Variants in METAP1D observed in about 807,000 individuals in gnomAD.
METAP1D encodes the protein methionine aminopeptidase 1D, mitochondrial.
In METAP1D, 31 loss-of-function variants were observed where a neutral mutation model predicts 40.5. That is an observed-to-expected ratio of 0.77 (90% CI 0.58 to 1.03). The LOEUF is 1.03. Ranked by LOEUF, METAP1D falls within the 50% of genes least tolerant of loss-of-function variation. METAP1D has a pLI of 0.00. For missense variants in METAP1D, 411 were observed against 420.7 expected (o/e 0.98, Z 0.20); for synonymous variants, 151 against 146.4 (o/e 1.03, Z -0.22).
chr2:172,020,941 T>C (rs1688990713), intron 1 of METAP1D, among the ~76,000 whole-genome samples: 1 of 152,156 alleles, frequency 6.6e-6, no homozygotes. Context: ...ATTATGTCAA[T>C]AGGAATGAAA....
At chr2:172,038,547 AT>A (rs1207252784) in intron 1 of METAP1D, among the ~76,000 whole-genome samples, 1 of 152,174 alleles carries the variant, frequency 6.6e-6, no homozygotes, top group African/African-American at 2.4e-5. Context: ...TAGCTAGGAT[AT>A]TTTTTAAATT....
chr2:172,054,908 G>C (rs1183400700), intron 1 of METAP1D, among the ~76,000 whole-genome samples: 1 of 152,110 alleles, frequency 6.6e-6, no homozygotes, highest in African/African-American at 2.4e-5. Context: ...AACTATTCTA[G>C]TATTCATAAA....
chr2:172,059,070 G>A (rs62183850), intron 1 of METAP1D, among the ~76,000 whole-genome samples: 1,737 of 151,926 alleles, frequency 0.011, 15 homozygotes, highest in Middle Eastern at 0.024. Flanking sequence ...TCGATACGGG[G>A]CCCAAGAATT....
intron 1 of METAP1D, among the ~76,000 whole-genome samples, chr2:172,045,757 ATGTG>A (rs1169750498): frequency 4.5e-4 from 30 of 67,148 alleles, no homozygotes; most frequent in South Asian, 1.6e-3. Context: ...ATATGTATAT[ATGTG>A]TGTATATATG....
At chr2:172,050,955 G>A (rs1332913983) in intron 1 of METAP1D, among the ~76,000 whole-genome samples, 1 of 152,158 alleles carries the variant, frequency 6.6e-6, no homozygotes, top group Admixed American at 6.5e-5. Flanking sequence ...GAAGTTGCCT[G>A]AGTATATGTA....
chr2:172,054,023 A>G (rs1574129214), intron 1 of METAP1D, among the ~76,000 whole-genome samples: 1 of 152,336 alleles, frequency 6.6e-6, no homozygotes, highest in East Asian at 1.9e-4. Context: ...TGACCAAAAG[A>G]AAACTCACAT....
At chr2:172,058,551 T>G (rs1690051943) in intron 1 of METAP1D, among the ~76,000 whole-genome samples, 2 of 151,620 alleles carry the variant, frequency 1.3e-5, no homozygotes, top group African/African-American at 4.8e-5. Context: ...AAGCAACTTT[T>G]TTTTTTTTAG....
chr2:172,006,725 T>C (rs906871779), intron 1 of METAP1D, among the ~76,000 whole-genome samples: 2 of 152,186 alleles, frequency 1.3e-5, no homozygotes, highest in Admixed American at 6.6e-5. Context: ...GTAGAGAGAA[T>C]AGTACAATGA....
intron 1 of METAP1D, among the ~76,000 whole-genome samples, chr2:172,033,586 C>A (rs1172692516): frequency 4.6e-5 from 7 of 151,962 alleles, no homozygotes; most frequent in Non-Finnish European, 1.0e-4. Flanking sequence ...GAATTCCTGA[C>A]CTCAAGTGAT....
chr2:172,009,197 C>T (rs754319262), intron 1 of METAP1D, among the ~76,000 whole-genome samples: 5 of 152,044 alleles, frequency 3.3e-5, no homozygotes, highest in African/African-American at 1.2e-4. Flanking sequence ...CCCACCACCG[C>T]GCCAGGCTAA....
chr2:172,063,792 A>T lies in METAP1D; in HGVS notation c.280A>T (p.Ile94Phe), dbSNP rs572720262. ...DSIEVKNEDQ[I>F]QGLHQACQLA... ...CATAGAAGTTAAGAATGAAGATCAG[A>T]TTCAAGGGCTTCATCAGGCTTGTCA... Residue 94 changes from isoleucine (I) to phenylalanine (F), a missense_variant, in exon 3 of 10, where the codon ATT becomes TTT. Transcript: ENST00000315796. 1.9e-6 allele frequency: 3 copies of T among 1,614,128 alleles called. No homozygotes were observed. Among genetic ancestry groups the T allele is most frequent in the South Asian group, 2.2e-5 (2 of 91,068 alleles).
At chr2:172,004,625 G>T (rs1304896795) in intron 1 of METAP1D, among the ~76,000 whole-genome samples, 1 of 151,876 alleles carries the variant, frequency 6.6e-6, no homozygotes, top group Non-Finnish European at 1.5e-5. Context: ...ACGCCCAGCC[G>T]CCAAACCAAC....
chr2:172,046,377 C>T (rs1689766313), intron 1 of METAP1D, among the ~76,000 whole-genome samples: 1 of 152,090 alleles, frequency 6.6e-6, no homozygotes, highest in Non-Finnish European at 1.5e-5. Flanking sequence ...TAATGAAATA[C>T]ACACTGAACA....
intron 1 of METAP1D, among the ~76,000 whole-genome samples, chr2:172,032,738 A>T (rs969717794): frequency 6.6e-6 from 1 of 152,298 alleles, no homozygotes; most frequent in Admixed American, 6.5e-5. Context: ...ATCAGAGCAC[A>T]CCACTGTCCA....
chr2:172,037,910 TTG>T, intron 1 of METAP1D, among the ~76,000 whole-genome samples: 1 of 152,176 alleles, frequency 6.6e-6, no homozygotes, highest in Non-Finnish European at 1.5e-5. Context: ...GTTGTAGAAG[TTG>T]AAAGAAGCTG....
chr2:172,028,575 T>C, intron 1 of METAP1D, among the ~76,000 whole-genome samples: 1 of 149,090 alleles, frequency 6.7e-6, no homozygotes, highest in South Asian at 2.1e-4. Flanking sequence ...TGTGTGTGTG[T>C]GTGTGTGTGT....
At chr2:172,015,102 A>G (rs930040302) in intron 1 of METAP1D, among the ~76,000 whole-genome samples, 19 of 152,252 alleles carry the variant, frequency 1.2e-4, no homozygotes, top group East Asian at 7.7e-4. Context: ...ACAAAATTTC[A>G]TACCCTTTAA....
intron 5 of METAP1D, among the ~76,000 whole-genome samples, chr2:172,070,385 C>T (rs562585970): frequency 2.6e-5 from 4 of 152,282 alleles, no homozygotes; most frequent in Admixed American, 1.3e-4. Flanking sequence ...ATTCTTAGAA[C>T]TGAATTCTCC....
intron 1 of METAP1D, among the ~76,000 whole-genome samples, chr2:172,039,821 C>T (rs753042949): frequency 1.2e-4 from 18 of 152,036 alleles, no homozygotes; most frequent in African/African-American, 2.4e-4. Context: ...AGGCACCCAC[C>T]ACCAGTAATT....
Sources: gnomAD v4.1 joint callset for allele counts (sites outside exome capture counted in the v4.1 genomes callset) on GRCh38, gnomAD v4.1.1 for gene constraint, MANE v1.5 for transcripts, NCBI Gene and HGNC (gene_info 2026-07-23, HGNC 2026-07-21) for gene names.